SRSF7: variants seen among roughly 807,000 people sequenced by gnomAD.
SRSF7 encodes serine and arginine rich splicing factor 7, also known as serine/arginine-rich splicing factor 7.
In SRSF7, 15 loss-of-function variants were observed where a neutral mutation model predicts 42.2. The observed-to-expected ratio is 0.36, with a 90% CI of 0.24 to 0.55. The LOEUF (loss-of-function observed/expected upper bound fraction) is 0.55. Among genes scored for constraint, SRSF7 ranks in the 20% least tolerant of loss-of-function variants. SRSF7 has a pLI of 0.88. For synonymous variants in SRSF7, 138 were observed against 107.9 expected (o/e 1.28, Z -1.73); for missense variants, 181 against 305.9 (o/e 0.59, Z 3.04).
Position 38,748,636 on chromosome 2 carries a change from T to C in SRSF7, c.404A>G (p.His135Arg). 1.2e-6 allele frequency: 2 copies of C among 1,614,210 alleles called. No individual in the cohort carries two copies. Among genetic ancestry groups the C allele is most frequent in the Non-Finnish European group, 1.7e-6 (2 of 1,180,020 alleles). The change falls in exon 4 of 8, where the codon CAT becomes CGT. Residue 135 changes from histidine to arginine, a missense_variant. Transcript: ENST00000313117. ...RRRSRSRSRSHSRSRGRRYSR... is the reference protein window; with the variant it reads ...RRRSRSRSRSRSRSRGRRYSR... Reference sequence around the variant, plus strand: ...GTATCGCCTTCCTCTGGATCGAGAATGTGATCTAGACCGTGACCTATTTTT... The same window carrying C: ...GTATCGCCTTCCTCTGGATCGAGAACGTGATCTAGACCGTGACCTATTTTT...
chr2:38,747,112 G>T, intron 5 of SRSF7: 1 of 480,404 alleles, frequency 2.1e-6, no homozygotes, highest in African/African-American at 2.0e-5. Flanking sequence ...CACAATGGCA[G>T]TCCCAGCTAC....
intron 5 of SRSF7, chr2:38,747,054 A>G (rs1291884399): frequency 1.9e-6 from 1 of 527,712 alleles, no homozygotes; most frequent in Non-Finnish European, 3.8e-6. Context: ...GAAGGAAGCA[A>G]AACTAACCTC....
intron 5 of SRSF7, 50 bp downstream of exon 5, chr2:38,747,997 A>T (rs375780745): frequency 1.5e-6 from 2 of 1,352,126 alleles, no homozygotes; most frequent in Non-Finnish European, 1.1e-6. Context: ...CACTCTACTG[A>T]TAAGATGTGA....
upstream of SRSF7, chr2:38,751,381 C>T: frequency 7.6e-6 from 10 of 1,312,046 alleles, no homozygotes; most frequent in South Asian, 2.4e-5. Flanking sequence ...CCCGGGTTCG[C>T]GTTTATATAT....
At chr2:38,750,538 G>A (rs1017966720) in intron 1 of SRSF7, among the ~76,000 whole-genome samples, 2 of 151,682 alleles carry the variant, frequency 1.3e-5, no homozygotes. Context: ...GGCCCGCAGC[G>A]GCAGCGGCGT....
At chr2:38,750,871 A>C (rs1231821397) in intron 1 of SRSF7, 2 of 303,104 alleles carry the variant, frequency 6.6e-6, no homozygotes, top group Non-Finnish European at 1.3e-5. Context: ...GCGCTGAGGA[A>C]ATGCGCCACC....
At chr2:38,747,020 G>T in intron 5 of SRSF7, 1 of 603,180 alleles carries the variant, frequency 1.7e-6, no homozygotes, top group Non-Finnish European at 3.1e-6. Context: ...GAAATACATG[G>T]TTTTCATTTG....
intron 6 of SRSF7, 105 bp from the exon 7 acceptor site, chr2:38,746,284 A>T: frequency 7.8e-7 from 1 of 1,280,430 alleles, no homozygotes; most frequent in Non-Finnish European, 1.1e-6. Context: ...TTAAAATGTC[A>T]GACTGCACTT....
chr2:38,743,955 C>CAG lies in SRSF7; in HGVS notation c.*1177_*1178insCT. 1.3e-5 allele frequency: 2 copies of CAG among 150,400 alleles called. No homozygotes were observed. Among genetic ancestry groups the CAG allele is most frequent in the Non-Finnish European group, 2.9e-5 (2 of 67,830 alleles). The allele number at this position is 150,400 out of a possible 1,614,324, so 9.3% of individuals were successfully genotyped here. ...GCCTGGTAAAAGCTTGACCAGAAAA[C>CAG]TCTCAAAAGTAACTGTTACTGCCCT... is the stretch of plus-strand genomic sequence containing the variant. On this transcript the variant is annotated 3_prime_UTR_variant, in exon 8 of 8. Transcript: ENST00000313117.
In SRSF7 at chr2:38,751,261, A is replaced by G; in HGVS notation, c.-5T>C. 25 of 1,614,036 alleles carry G rather than the reference A, an allele frequency of 1.5e-5. No individual in the cohort carries two copies. Among genetic ancestry groups the G allele is most frequent in the Non-Finnish European group, 2.1e-5 (25 of 1,180,006 alleles). Reference sequence around the variant, plus strand: ...GTACCGCCCGTAACGCGACATGATGACAGACCCGCGTGCTCGGCTCTTTAG... The same window carrying G: ...GTACCGCCCGTAACGCGACATGATGGCAGACCCGCGTGCTCGGCTCTTTAG... On this transcript the variant is annotated 5_prime_UTR_variant, in exon 1 of 8. Coordinates refer to ENST00000313117, the MANE Select transcript of SRSF7 (RefSeq NM_001031684.3).
At position 38,751,291 on chromosome 2, in the gene SRSF7, C is replaced by T; in HGVS notation, c.-35G>A. The T allele has an allele frequency of 1.9e-6, 3 of 1,613,952 alleles. No homozygotes were observed. The highest frequency in any genetic ancestry group is 2.7e-5 in the African/African-American group (2 of 75,076). On this transcript the variant is annotated 5_prime_UTR_variant, in exon 1 of 8. Coordinates refer to ENST00000313117, the MANE Select transcript of SRSF7 (RefSeq NM_001031684.3). ...CCCGCGTGCTCGGCTCTTTAGCAAG[C>T]AGCGCCCAGGGCTCGAGTGACGCAA...
chr2:38,748,377 C>A (rs916833950), intron 4 of SRSF7, among the ~76,000 whole-genome samples: 4 of 152,066 alleles, frequency 2.6e-5, no homozygotes, highest in African/African-American at 9.7e-5. Context: ...ACAGTCCCAG[C>A]TACTCGGGAG....
At chr2:38,745,649 C>T (rs1488099937) in intron 7 of SRSF7, among the ~76,000 whole-genome samples, 1 of 151,338 alleles carries the variant, frequency 6.6e-6, no homozygotes, top group Non-Finnish European at 1.5e-5. Flanking sequence ...AGCGAAAACT[C>T]CATCCCAGAA....
At chr2:38,746,776 A>C (rs779502840) in intron 5 of SRSF7, 29 bp from the exon 6 acceptor site, 9 of 1,612,680 alleles carry the variant, frequency 5.6e-6, no homozygotes, top group Non-Finnish European at 7.6e-6. Context: ...AAACACAATT[A>C]TATCAATCAG....
chr2:38,743,637 C>G lies in SRSF7; in HGVS notation c.*1496G>C. 1 of 152,610 alleles carries G rather than the reference C, an allele frequency of 6.6e-6. No homozygotes were observed. Among genetic ancestry groups the G allele is most frequent in the Non-Finnish European group, 1.5e-5 (1 of 68,032 alleles). 9.5% of individuals were successfully genotyped at this position (152,610 alleles called of 1,614,324 possible). ...CTCTGCAGATTTATTGTTGAGTAAA[C>G]TTATCTTTAAATAATACAGAACAAT... On this transcript the variant is annotated 3_prime_UTR_variant, in exon 8 of 8. Coordinates refer to ENST00000313117, the MANE Select transcript of SRSF7 (RefSeq NM_001031684.3).
Position 38,748,134 on chromosome 2 carries a change from C to T in SRSF7, c.485G>A (p.Arg162Gln). Residue 162 changes from arginine to glutamine, a missense_variant, in exon 5 of 8, where the codon CGA becomes CAA. Arg to Gln is a conservative substitution (Grantham distance 43). Transcript: ENST00000313117. ...GRRSRSASPR[R>Q]SRSISLRRSR... ...TCTACGAAGAGAGATAGATCTTGAT[C>T]GTCGAGGAGATGCTGACCTTGACCT... The T allele has an allele frequency of 6.2e-7, 1 of 1,613,380 alleles. No homozygotes were observed. Among genetic ancestry groups the T allele is most frequent in the Admixed American group, 1.7e-5 (1 of 59,940 alleles).
At chr2:38,749,457 G>A in intron 3 of SRSF7, 72 bp downstream of exon 3, 2 of 1,548,266 alleles carry the variant, frequency 1.3e-6, no homozygotes, top group East Asian at 2.3e-5. Context: ...AAAAACACTA[G>A]TTTCTGCCTT....
At position 38,744,910 on chromosome 2, in the gene SRSF7, TATTTA is replaced by T; in HGVS notation, c.*218_*222del. ...ATCAAAAATCTAGTTAGAAACATTT[TATTTA>T]AATGTGCCAAATAAAAACCCACATT... On this transcript the variant is annotated 3_prime_UTR_variant, in exon 8 of 8. Coordinates refer to ENST00000313117, the MANE Select transcript of SRSF7 (RefSeq NM_001031684.3). 1 of 457,580 alleles carries T rather than the reference TATTTA, an allele frequency of 2.2e-6. No individual in the cohort carries two copies. Among genetic ancestry groups the T allele is most frequent in the South Asian group, 4.8e-5 (1 of 20,778 alleles). The allele number at this position is 457,580 out of a possible 1,614,324, so 28.3% of individuals were successfully genotyped here.
intron 3 of SRSF7, 28 bp downstream of exon 3, chr2:38,749,501 C>G (rs774967899): frequency 5.2e-5 from 81 of 1,551,340 alleles, no homozygotes; most frequent in Non-Finnish European, 3.5e-6. Context: ...AACTAGAATA[C>G]CAACCATTCC....
Sources: allele counts gnomAD v4.1 joint callset (sites outside exome capture counted in the v4.1 genomes callset), GRCh38; gene constraint gnomAD v4.1.1; transcripts MANE v1.5; gene names NCBI Gene and HGNC (gene_info 2026-07-23, HGNC 2026-07-21).